The following DCLK1 variants were observed in gnomAD, a reference collection of about 807,000 sequenced individuals.
The protein encoded by DCLK1 is serine/threonine-protein kinase DCLK1.
DCLK1 carries 16 observed loss-of-function variants against 86.2 expected under a neutral mutation model. That is an observed-to-expected ratio of 0.19 (90% CI 0.13 to 0.28). The LOEUF (loss-of-function observed/expected upper bound fraction) is 0.28. DCLK1 is among the 10% of genes least tolerant of loss of function. The pLI, the probability that DCLK1 is intolerant of heterozygous loss-of-function variation, is 1.00. For synonymous variants in DCLK1, 369 were observed against 370.5 expected (o/e 1.00, Z 0.05); for missense variants, 590 against 940.2 (o/e 0.63, Z 4.87).
At chr13:36,073,695 T>C (rs1189722471) in intron 3 of DCLK1, among the ~76,000 whole-genome samples, 1 of 152,176 alleles carries the variant, frequency 6.6e-6, no homozygotes, top group Non-Finnish European at 1.5e-5. Context: ...TGGCTCTGTC[T>C]GGCTCACACC....
chr13:36,050,687 C>G (rs903283005), intron 3 of DCLK1, among the ~76,000 whole-genome samples: 2 of 152,166 alleles, frequency 1.3e-5, no homozygotes, highest in African/African-American at 4.8e-5. Flanking sequence ...CTTCATTATG[C>G]ATGAGGTTCA....
intron 3 of DCLK1, among the ~76,000 whole-genome samples, chr13:35,958,261 C>T (rs1276956611): frequency 2.6e-4 from 9 of 34,152 alleles, no homozygotes; most frequent in East Asian, 1.2e-3. Context: ...ACTACCACTA[C>T]TATAACCATT....
At chr13:35,879,978 A>G (rs940867791) in intron 4 of DCLK1, among the ~76,000 whole-genome samples, 4 of 152,128 alleles carry the variant, frequency 2.6e-5, no homozygotes, top group Non-Finnish European at 5.9e-5. Flanking sequence ...ACCACTGCCA[A>G]TGTCTTCATT....
chr13:36,124,585 C>T (rs1361055261), intron 2 of DCLK1, among the ~76,000 whole-genome samples: 1 of 152,180 alleles, frequency 6.6e-6, no homozygotes. Context: ...TGTCAGTGTG[C>T]GGTCAGGGGA....
In DCLK1 at chr13:35,805,017, C is replaced by A. The variant is rs114143853; in HGVS notation, c.1944+682G>T. Reference sequence around the variant, plus strand: ...AAATGGAGTAGCCCAAGGTTTATGTCGAAACCCTTAGGTCACTTGCACTTT... The same window carrying A: ...AAATGGAGTAGCCCAAGGTTTATGTAGAAACCCTTAGGTCACTTGCACTTT... On this transcript the variant is annotated intron_variant, in intron 15 of 16. Transcript: ENST00000360631. 8.5e-4 allele frequency among the ~76,000 whole-genome samples: 129 copies of A among 152,228 alleles called. 1 individual carries two copies. Among genetic ancestry groups the A allele is most frequent in the African/African-American group, 3.0e-3 (126 of 41,548 alleles).
At chr13:35,794,623 G>C (rs2086770397) in intron 15 of DCLK1, among the ~76,000 whole-genome samples, 1 of 152,156 alleles carries the variant, frequency 6.6e-6, no homozygotes, top group African/African-American at 2.4e-5. Context: ...CAGTACGTGG[G>C]GGAGAAACGA....
chr13:36,073,835 T>C (rs1035793686), intron 3 of DCLK1, among the ~76,000 whole-genome samples: 2 of 152,180 alleles, frequency 1.3e-5, no homozygotes, highest in African/African-American at 2.4e-5. Flanking sequence ...AAAACAGACA[T>C]GTGGACCATG....
chr13:35,838,065 C>CAAAAAAAAAAAAAAAAAA lies in DCLK1; in HGVS notation c.1120+1026_1120+1027insTTTTTTTTTTTTTTTTTT, dbSNP rs748395648. Among the ~76,000 whole-genome samples the CAAAAAAAAAAAAAAAAAA allele has an allele frequency of 5.4e-4, 54 of 100,342 alleles. 1 individual carries two copies. Among genetic ancestry groups the CAAAAAAAAAAAAAAAAAA allele is most frequent in the African/African-American group, 1.5e-3 (38 of 25,342 alleles). 65.8% of individuals were successfully genotyped at this position (100,342 alleles called of 152,430 possible). ...TGAGAGACAGAGCGAGACTCCATCT[C>CAAAAAAAAAAAAAAAAAA]AAAAAAAAAAAGAAAAGAAAAGAAA... On this transcript the variant is annotated intron_variant, in intron 7 of 16. Transcript: ENST00000360631.
chr13:35,996,113 G>C (rs962598939), intron 3 of DCLK1, among the ~76,000 whole-genome samples: 2 of 152,068 alleles, frequency 1.3e-5, no homozygotes, highest in African/African-American at 4.8e-5. Context: ...ATTTTTAGTA[G>C]AGACGGGGCT....
intron 3 of DCLK1, among the ~76,000 whole-genome samples, chr13:35,952,219 G>A (rs929825899): frequency 6.6e-6 from 1 of 152,130 alleles, no homozygotes; most frequent in African/African-American, 2.4e-5. Context: ...CACACAGTAT[G>A]TACCTCCTAA....
At chr13:35,839,275 C>T (rs1869623174) in intron 6 of DCLK1, 99 bp from the exon 7 acceptor site, 5 of 1,041,732 alleles carry the variant, frequency 4.8e-6, no homozygotes, top group Non-Finnish European at 5.7e-6. Context: ...AAACTTTGCC[C>T]ATGCTAGGGA....
intron 3 of DCLK1, among the ~76,000 whole-genome samples, chr13:35,957,905 G>A (rs199775444): frequency 2.1e-5 from 1 of 46,866 alleles, no homozygotes; most frequent in Non-Finnish European, 7.2e-5. Flanking sequence ...GATTATTAGC[G>A]TCACCACCAC....
In DCLK1 at chr13:35,850,811, C is replaced by T. The variant is rs559073864; in HGVS notation, c.1035+3688G>A. 3.0e-4 allele frequency: 471 copies of T among 1,548,088 alleles called. 1 individual carries two copies. The highest frequency in any genetic ancestry group is 5.3e-4 in the Admixed American group (27 of 51,040). ...GAAGGGCAGTATAGATTTGTTTACTCGGCTTTCTTGGGTGCCCTGTGGCTC... is the reference window on the plus strand; with the variant it reads ...GAAGGGCAGTATAGATTTGTTTACTTGGCTTTCTTGGGTGCCCTGTGGCTC... On this transcript the variant is annotated intron_variant, in intron 6 of 16. Coordinates refer to ENST00000360631, the MANE Select transcript of DCLK1 (RefSeq NM_001330071.2).
intron 6 of DCLK1, chr13:35,846,383 T>TTAGATATCTACTACCC (rs1870178186): frequency 1.0e-6 from 1 of 985,244 alleles, no homozygotes; most frequent in Non-Finnish European, 1.2e-6. Flanking sequence ...CCTATAACTT[T>TTAGATATCTACTACCC]TAGATATCTA....
At chr13:35,932,324 C>T (rs980208318) in intron 4 of DCLK1, among the ~76,000 whole-genome samples, 3 of 152,202 alleles carry the variant, frequency 2.0e-5, no homozygotes, top group Admixed American at 6.5e-5. Context: ...ACTGGCTTTC[C>T]TGGGTCACCA....
chr13:35,867,412 A>G (rs1461887853), intron 5 of DCLK1, among the ~76,000 whole-genome samples: 1 of 152,192 alleles, frequency 6.6e-6, no homozygotes, highest in Admixed American at 6.5e-5. Context: ...TCTTTATGAA[A>G]ATGATACTAC....
chr13:36,072,426 C>A (rs1884012437), intron 3 of DCLK1, among the ~76,000 whole-genome samples: 1 of 152,176 alleles, frequency 6.6e-6, no homozygotes, highest in South Asian at 2.1e-4. Flanking sequence ...TCTCTAATGA[C>A]ACGTATTTCC....
In DCLK1 at chr13:36,111,861, T is replaced by C; in HGVS notation, c.723+8A>G. ...AAAGTCAAAGTCACATCACAATATGTCTCTTACCTGTTTCCCATCCAACGT... is the reference window on the plus strand; with the variant it reads ...AAAGTCAAAGTCACATCACAATATGCCTCTTACCTGTTTCCCATCCAACGT... On this transcript the variant is annotated splice_region_variant and intron_variant, in intron 3 of 16. Coordinates refer to ENST00000360631, the MANE Select transcript of DCLK1 (RefSeq NM_001330071.2). The C allele has an allele frequency of 6.2e-7, 1 of 1,606,684 alleles. No homozygotes were observed. Among genetic ancestry groups the C allele is most frequent in the South Asian group, 1.1e-5 (1 of 90,702 alleles).
Position 35,809,047 on chromosome 13 carries a change from G to C in DCLK1, c.1737C>G (p.Ile579Met). ...GGAATGGAGGGAAACCACACAGCAG[G>C]ATATAAGTGATTACACCTGCTGCCC... Reference protein sequence around the residue: ...DIWAAGVITYILLCGFPPFRG... With the variant: ...DIWAAGVITYMLLCGFPPFRG... The change falls in exon 13 of 17, where the codon ATC becomes ATG. Residue 579 changes from isoleucine (I) to methionine (M), a missense_variant. This residue lies in a region of DCLK1 where 28 missense variants were observed against 77.1 expected (regional missense o/e 0.36). Coordinates refer to ENST00000360631, the MANE Select transcript of DCLK1 (RefSeq NM_001330071.2). 1 of 1,612,786 alleles carries C rather than the reference G, an allele frequency of 6.2e-7. No individual in the cohort carries two copies. Among genetic ancestry groups the C allele is most frequent in the Non-Finnish European group, 8.5e-7 (1 of 1,179,096 alleles).
Sources: allele counts gnomAD v4.1 joint callset (sites outside exome capture counted in the v4.1 genomes callset), GRCh38; gene constraint gnomAD v4.1.1; regional missense constraint gnomAD v4.1.1; transcripts MANE v1.5; gene names NCBI Gene and HGNC (gene_info 2026-07-23, HGNC 2026-07-21).